The following CHD1L variants were observed in gnomAD, a reference collection of about 807,000 sequenced individuals.
CHD1L encodes ATP-dependent chromatin remodeler CHD1L.
CHD1L carries 118 observed loss-of-function variants against 115.9 expected under a neutral mutation model. The ratio of observed to expected loss-of-function variants is 1.02; its 90% CI spans 0.88 to 1.19. The LOEUF (loss-of-function observed/expected upper bound fraction) is 1.19. Ranked by LOEUF, CHD1L falls within the 50% of genes most tolerant of loss-of-function variation. The pLI is 0.00. For missense variants in CHD1L, 1,179 were observed against 1,065.3 expected (o/e 1.11, Z -1.49); for synonymous variants, 411 against 387.1 (o/e 1.06, Z -0.72).
rs782261467 is a variant in CHD1L at position 147,285,406 on chromosome 1, AAAGAC to A, written c.1942_1946del (p.Gln648SerfsTer20). The A allele has an allele frequency of 8.5e-5, 137 of 1,613,922 alleles. No homozygotes were observed. Among genetic ancestry groups the A allele is most frequent in the Non-Finnish European group, 1.1e-4 (124 of 1,180,008 alleles). ...GAAGAGCTGGAGGACAGACAGAAGA[AAAGAC>A]AAGAAGCAGCTGCCAAGAGAAGGAG... On this transcript the variant is annotated frameshift_variant, in exon 17 of 23. Transcript: ENST00000369258. LOFTEE classifies it high-confidence loss of function.
intron 9 of CHD1L, among the ~76,000 whole-genome samples, chr1:147,268,263 C>G (rs1674746945): frequency 6.6e-6 from 1 of 151,982 alleles, no homozygotes; most frequent in South Asian, 2.1e-4. Flanking sequence ...TTTTGATTCC[C>G]TGATTGGTAA....
intron 19 of CHD1L, among the ~76,000 whole-genome samples, chr1:147,290,528 T>C (rs1477816170): frequency 1.3e-5 from 2 of 152,086 alleles, no homozygotes; most frequent in African/African-American, 2.4e-5. Flanking sequence ...TATATTTTTA[T>C]GTAAGCTTGC....
At chr1:147,224,982 G>A in the CHD1L span, 1 of 1,614,004 alleles carries the variant, frequency 6.2e-7, no homozygotes, top group Non-Finnish European at 8.5e-7. Context: ...TGATGGAAGA[G>A]AGCCCGCTCA....
intron 1 of CHD1L, among the ~76,000 whole-genome samples, chr1:147,244,777 G>A (rs969652473): frequency 3.1e-5 from 4 of 130,012 alleles, no homozygotes; most frequent in Admixed American, 1.7e-4. Context: ...AGTTTAGACA[G>A]TCCCTCTTCT....
At chr1:147,208,988 C>T in the CHD1L span, 1 of 1,614,092 alleles carries the variant, frequency 6.2e-7, no homozygotes, top group South Asian at 1.1e-5. Context: ...AACACATCAG[C>T]AGGATATCCG....
At chr1:147,290,525 TTATG>T (rs1168833299) in intron 19 of CHD1L, among the ~76,000 whole-genome samples, 3 of 152,052 alleles carry the variant, frequency 2.0e-5, no homozygotes, top group Non-Finnish European at 4.4e-5. Context: ...AAGTATATTT[TTATG>T]TAAGCTTGCC....
intron 16 of CHD1L, 30 bp downstream of exon 16, chr1:147,284,529 T>C: frequency 6.6e-7 from 1 of 1,524,508 alleles, no homozygotes; most frequent in South Asian, 1.3e-5. Flanking sequence ...TTAAAAGTTG[T>C]TCTTCCAAAC....
the CHD1L span, among the ~76,000 whole-genome samples, chr1:147,231,386 T>A: frequency 6.6e-6 from 1 of 152,188 alleles, no homozygotes. Context: ...TTGTTATAAT[T>A]TCTGTTCTTT....
At chr1:147,254,821 T>A (rs781874548) in intron 2 of CHD1L, 49 bp from the exon 3 acceptor site, 1 of 1,348,806 alleles carries the variant, frequency 7.4e-7, no homozygotes, top group Non-Finnish European at 1.0e-6. Context: ...CATGGTTGTT[T>A]CTCATGGGGA....
intron 10 of CHD1L, among the ~76,000 whole-genome samples, chr1:147,270,119 G>A (rs1157504080): frequency 6.6e-6 from 1 of 152,154 alleles, no homozygotes; most frequent in African/African-American, 2.4e-5. Flanking sequence ...CCCATTTGGG[G>A]CTTGAATCTT....
At chr1:147,274,946 T>C (rs1215793043) in intron 12 of CHD1L, among the ~76,000 whole-genome samples, 2 of 152,180 alleles carry the variant, frequency 1.3e-5, no homozygotes, top group African/African-American at 4.8e-5. Flanking sequence ...CACTCTTCTC[T>C]TGACAGTGCG....
the CHD1L span, among the ~76,000 whole-genome samples, chr1:147,235,452 T>G: frequency 6.6e-6 from 1 of 152,178 alleles, no homozygotes; most frequent in Non-Finnish European, 1.5e-5. Flanking sequence ...CTATGCATTA[T>G]GGGCCTTTCA....
At position 147,284,387 on chromosome 1, in the gene CHD1L, C is replaced by T. The variant is rs1388426233; in HGVS notation, c.1742C>T (p.Ser581Phe). 1 of 1,597,468 alleles carries T rather than the reference C, an allele frequency of 6.3e-7. No individual in the cohort carries two copies. The highest frequency in any genetic ancestry group is 2.2e-5 in the East Asian group (1 of 44,644). The change falls in exon 16 of 23, where the codon TCT (serine) becomes TTT (phenylalanine). Residue 581 changes from serine to phenylalanine, a missense_variant. Coordinates refer to ENST00000369258, the MANE Select transcript of CHD1L (RefSeq NM_004284.6). The part of the protein sequence containing the change: ...HMYLFEGKDY[S>F]KEPSKEDRKS... Reference sequence around the variant, plus strand: ...TACTTATTTGAAGGTAAAGATTATTCTAAAGAGCCCAGTAAGGAAGACAGA... The same window carrying T: ...TACTTATTTGAAGGTAAAGATTATTTTAAAGAGCCCAGTAAGGAAGACAGA...
At chr1:147,275,594 T>G in intron 13 of CHD1L, 126 bp downstream of exon 13, 1 of 693,138 alleles carries the variant, frequency 1.4e-6, no homozygotes, top group Non-Finnish European at 2.5e-6. Flanking sequence ...TTTTAGCTCA[T>G]CTGTGCTATT....
intron 20 of CHD1L, among the ~76,000 whole-genome samples, chr1:147,292,099 TAGC>T (rs1157128507): frequency 6.6e-6 from 1 of 152,174 alleles, no homozygotes; most frequent in Non-Finnish European, 1.5e-5. Flanking sequence ...ACCGTCCAGA[TAGC>T]AGATCCCATC....
the CHD1L span, chr1:147,223,935 C>A: frequency 2.7e-5 from 10 of 374,056 alleles, no homozygotes; most frequent in South Asian, 1.9e-4. Flanking sequence ...AAAGGGGATA[C>A]CCCCATCGAG....
rs1329735761 is a variant in CHD1L at position 147,288,339 on chromosome 1, A to AG, written c.2320+606_2320+607insG. ...CCCTGTTTCAATAAAAAAAAAAAAA[A>AG]AAAAAAAGAAAAAGAGAACTATTGG... is the stretch of plus-strand genomic sequence containing the variant. On this transcript the variant is annotated intron_variant, in intron 19 of 22. Coordinates refer to ENST00000369258, the MANE Select transcript of CHD1L (RefSeq NM_004284.6). Among the ~76,000 whole-genome samples the AG allele has an allele frequency of 6.7e-4, 18 of 26,890 alleles. 1 individual carries two copies. The highest frequency in any genetic ancestry group is 1.1e-3 in the Non-Finnish European group (12 of 10,946). The allele number at this position is 26,890 out of a possible 152,430, so 17.6% of individuals were successfully genotyped here.
Position 147,293,684 on chromosome 1 carries a change from G to A in CHD1L, c.2468G>A (p.Gly823Asp), listed in dbSNP as rs1471434499. 6.2e-7 allele frequency: 1 copy of A among 1,614,120 alleles called. No individual in the cohort carries two copies. Among genetic ancestry groups the A allele is most frequent in the Non-Finnish European group, 8.5e-7 (1 of 1,179,984 alleles). ...ATTAAGATGGCAGCCCTAGAAGAGG[G>A]CCTGAAGAAGATATTTTTAGCAGCA... ...SGIKMAALEEGLKKIFLAAKK... is the reference protein window; with the variant it reads ...SGIKMAALEEDLKKIFLAAKK... Residue 823 changes from glycine (G) to aspartate (D), a missense_variant, in exon 21 of 23, where the codon GGC becomes GAC. Coordinates refer to ENST00000369258, the MANE Select transcript of CHD1L (RefSeq NM_004284.6).
At position 147,289,945 on chromosome 1, in the gene CHD1L, G is replaced by A. The variant is rs587752274; in HGVS notation, c.2321-1537G>A. ...TGCGCAGAACCTTATCTAATGGAATGGGTAATAGCTGGTCGTTTTGGGGGA... is the reference window on the plus strand; with the variant it reads ...TGCGCAGAACCTTATCTAATGGAATAGGTAATAGCTGGTCGTTTTGGGGGA... On this transcript the variant is annotated intron_variant, in intron 19 of 22. Coordinates refer to ENST00000369258, the MANE Select transcript of CHD1L (RefSeq NM_004284.6). Among the ~76,000 whole-genome samples the A allele has an allele frequency of 3.8e-4, 57 of 150,548 alleles. 1 individual carries two copies. The highest frequency in any genetic ancestry group is 7.0e-4 in the Non-Finnish European group (47 of 66,774).
Sources: gnomAD v4.1 joint callset for allele counts (sites outside exome capture counted in the v4.1 genomes callset) on GRCh38, gnomAD v4.1.1 for gene constraint, MANE v1.5 for transcripts, NCBI Gene and HGNC (gene_info 2026-07-23, HGNC 2026-07-21) for gene names.